The following KLRG2 variants were observed in gnomAD, a reference collection of about 807,000 sequenced individuals.
KLRG2 encodes the protein killer cell lectin like receptor G2, also known as killer cell lectin-like receptor subfamily G member 2.
Under a neutral mutation model 35.4 loss-of-function variants are expected in KLRG2, and 39 were observed. The observed-to-expected ratio is 1.10, with a 90% CI of 0.85 to 1.44. The LOEUF is 1.44. KLRG2 is among the 40% of genes most tolerant of loss of function. The pLI, the probability that KLRG2 is intolerant of heterozygous loss-of-function variation, is 0.00. For missense variants in KLRG2, 632 were observed against 570.9 expected (o/e 1.11, Z -1.09); for synonymous variants, 283 against 265.8 (o/e 1.06, Z -0.63).
Position 139,480,209 on chromosome 7 carries a change from C to T in KLRG2, c.796G>A (p.Ala266Thr). The change falls in exon 2 of 5, where the codon GCG (alanine) becomes ACG (threonine). Residue 266 changes from alanine to threonine, a missense_variant. By Grantham distance (58) the Ala-to-Thr change is moderately conservative (BLOSUM62 0). Transcript: ENST00000340940. ...MYVKSLYWALAFMAVLLAVSG... is the reference protein window; with the variant it reads ...MYVKSLYWALTFMAVLLAVSG... Reference sequence around the variant, plus strand: ...ACTGCCAGGAGCACAGCCATGAACGCCAGGGCCCAGTACAGGGACTTCACG... The same window carrying T: ...ACTGCCAGGAGCACAGCCATGAACGTCAGGGCCCAGTACAGGGACTTCACG... 1.2e-5 allele frequency: 19 copies of T among 1,613,612 alleles called. No homozygotes were observed. The highest frequency in any genetic ancestry group is 1.6e-5 in the Non-Finnish European group (19 of 1,179,718).
intron 3 of KLRG2, among the ~76,000 whole-genome samples, chr7:139,476,504 C>T (rs1302434541): frequency 4.0e-5 from 6 of 151,818 alleles, no homozygotes; most frequent in African/African-American, 7.3e-5. Context: ...AGCAGTGGCG[C>T]GATCTTGGCT....
At chr7:139,457,360 G>T (rs1796495091) in intron 3 of KLRG2, among the ~76,000 whole-genome samples, 1 of 152,138 alleles carries the variant, frequency 6.6e-6, no homozygotes. Context: ...CCAGGGCTCA[G>T]TGCCTCTTCC....
chr7:139,434,323 T>C, the KLRG2 span, among the ~76,000 whole-genome samples: 56 of 152,316 alleles, frequency 3.7e-4, 1 homozygote, highest in Admixed American at 3.4e-3. Flanking sequence ...AACCAACTTA[T>C]CACCATGGTT....
chr7:139,483,362 G>A lies in KLRG2; in HGVS notation c.281C>T (p.Pro94Leu), dbSNP rs1585181270. 1.3e-6 allele frequency: 2 copies of A among 1,537,890 alleles called. No individual in the cohort carries two copies. Among genetic ancestry groups the A allele is most frequent in the African/African-American group, 1.4e-5 (1 of 70,638 alleles). The change falls in exon 1 of 5, where the codon CCG (proline) becomes CTG (leucine). Residue 94 changes from proline to leucine, a missense_variant. Pro to Leu is a moderately conservative substitution (Grantham distance 98). Coordinates refer to ENST00000340940, the MANE Select transcript of KLRG2 (RefSeq NM_198508.4). Reference sequence around the variant, plus strand: ...CTTGACCAAGGCAGGGCCCGGTGACGGCGGCTCGGGGCAGACCCCGTAGCC... The same window carrying A: ...CTTGACCAAGGCAGGGCCCGGTGACAGCGGCTCGGGGCAGACCCCGTAGCC... ...SLGYGVCPEP[P>L]SPGPALVKLP...
At chr7:139,454,651 A>G (rs971355254) in intron 3 of KLRG2, among the ~76,000 whole-genome samples, 2 of 138,878 alleles carry the variant, frequency 1.4e-5, no homozygotes, top group African/African-American at 5.6e-5. Flanking sequence ...CCCCGTTTCT[A>G]TTAAAAAAAA....
intron 3 of KLRG2, among the ~76,000 whole-genome samples, chr7:139,473,040 G>T (rs1399254961): frequency 2.0e-5 from 3 of 152,252 alleles, no homozygotes; most frequent in Non-Finnish European, 2.9e-5. Flanking sequence ...CCAGTACTTT[G>T]GGAGGCCGAG....
chr7:139,427,673 A>G, the KLRG2 span, among the ~76,000 whole-genome samples: 1 of 152,174 alleles, frequency 6.6e-6, no homozygotes, highest in African/African-American at 2.4e-5. Flanking sequence ...TGAGCCCTAT[A>G]TCCATATGAA....
chr7:139,427,677 A>C, the KLRG2 span, among the ~76,000 whole-genome samples: 2 of 152,190 alleles, frequency 1.3e-5, no homozygotes, highest in African/African-American at 2.4e-5. Context: ...CCCTATATCC[A>C]TATGAAGAGA....
chr7:139,427,769 T>G, the KLRG2 span, among the ~76,000 whole-genome samples: 2 of 152,188 alleles, frequency 1.3e-5, no homozygotes, highest in Non-Finnish European at 1.5e-5. Flanking sequence ...TCTCTGTCCC[T>G]GGCACAGAGA....
the KLRG2 span, among the ~76,000 whole-genome samples, chr7:139,437,753 C>T: frequency 2.6e-5 from 4 of 152,084 alleles, no homozygotes; most frequent in African/African-American, 9.7e-5. Flanking sequence ...CCACCGCACC[C>T]GGCCATCATT....
At chr7:139,480,556 C>T (rs1435007051) in intron 1 of KLRG2, among the ~76,000 whole-genome samples, 1 of 146,510 alleles carries the variant, frequency 6.8e-6, no homozygotes, top group Non-Finnish European at 1.5e-5. Context: ...AGCAATTCTC[C>T]TGCCTCAACC....
Position 139,470,035 on chromosome 7 carries a change from A to T in KLRG2, c.1005+9592T>A, listed in dbSNP as rs80260365. Reference sequence around the variant, plus strand: ...GAAAAAGACCGAGTAATGCTAAGAGAAAAGAAACAGGGCATGGGTAAGCAA... The same window carrying T: ...GAAAAAGACCGAGTAATGCTAAGAGTAAAGAAACAGGGCATGGGTAAGCAA... On this transcript the variant is annotated intron_variant, in intron 3 of 4. Transcript: ENST00000340940. Among the ~76,000 whole-genome samples the T allele has an allele frequency of 2.9e-3, 434 of 152,238 alleles. 3 individuals are homozygous for T. Among genetic ancestry groups the T allele is most frequent in the African/African-American group, 9.6e-3 (399 of 41,544 alleles).
chr7:139,455,360 T>G (rs1214242128), intron 3 of KLRG2, among the ~76,000 whole-genome samples: 12 of 137,154 alleles, frequency 8.7e-5, no homozygotes, highest in African/African-American at 2.8e-4. Context: ...CTCGCTCTGT[T>G]GCCCAGGCTG....
chr7:139,440,921 C>G, the KLRG2 span, among the ~76,000 whole-genome samples: 1 of 152,136 alleles, frequency 6.6e-6, no homozygotes, highest in African/African-American at 2.4e-5. Flanking sequence ...AACTGACAAC[C>G]ATCAGCTGTG....
chr7:139,483,378 C>T lies in KLRG2; in HGVS notation c.265G>A (p.Val89Ile), dbSNP rs758932840. 5 of 1,536,820 alleles carry T rather than the reference C, an allele frequency of 3.3e-6. No individual in the cohort carries two copies. Among genetic ancestry groups the T allele is most frequent in the Admixed American group, 2.0e-5 (1 of 49,506 alleles). The change falls in exon 1 of 5, where the codon GTC becomes ATC. Residue 89 changes from valine to isoleucine, a missense_variant. By Grantham distance (29) the Val-to-Ile change is conservative. Coordinates refer to ENST00000340940, the MANE Select transcript of KLRG2 (RefSeq NM_198508.4). Reference protein sequence around the residue: ...RVPPLSLGYGVCPEPPSPGPA... With the variant: ...RVPPLSLGYGICPEPPSPGPA... ...CCCGGTGACGGCGGCTCGGGGCAGA[C>T]CCCGTAGCCCAGGCTGAGCGGCGGC...
At chr7:139,468,164 C>T (rs1032219410) in intron 3 of KLRG2, among the ~76,000 whole-genome samples, 1 of 152,178 alleles carries the variant, frequency 6.6e-6, no homozygotes, top group Non-Finnish European at 1.5e-5. Flanking sequence ...GACCCTGCCA[C>T]ATCCCCCTCT....
intron 3 of KLRG2, among the ~76,000 whole-genome samples, chr7:139,470,679 T>C (rs1228679581): frequency 6.6e-6 from 1 of 152,028 alleles, no homozygotes; most frequent in East Asian, 1.9e-4. Context: ...TGGTCCCAGC[T>C]ACTTGGGAGG....
At chr7:139,444,665 A>C in the KLRG2 span, among the ~76,000 whole-genome samples, 1 of 152,200 alleles carries the variant, frequency 6.6e-6, no homozygotes, top group African/African-American at 2.4e-5. Flanking sequence ...TCCAGCCTCC[A>C]GAACTGGAAG....
intron 3 of KLRG2, among the ~76,000 whole-genome samples, chr7:139,465,807 A>G (rs1475755114): frequency 1.3e-5 from 2 of 152,132 alleles, no homozygotes; most frequent in African/African-American, 4.8e-5. Flanking sequence ...CTGATAAGGT[A>G]GCTAAAAAAG....
Sources: allele counts gnomAD v4.1 joint callset (sites outside exome capture counted in the v4.1 genomes callset), GRCh38; gene constraint gnomAD v4.1.1; transcripts MANE v1.5; gene names NCBI Gene and HGNC (gene_info 2026-07-23, HGNC 2026-07-21).